The following MAML2 variants were observed in gnomAD, a reference collection of about 807,000 sequenced individuals.
The protein encoded by MAML2 is mastermind-like protein 2.
Under a neutral mutation model 96.1 loss-of-function variants are expected in MAML2, and 22 were observed. The observed-to-expected ratio is 0.23, with a 90% CI of 0.16 to 0.33. The LOEUF is 0.33. MAML2 is among the 10% of genes least tolerant of loss of function. The probability of loss-of-function intolerance (pLI) is 1.00; values close to 1 mark genes in which losing one functional copy is unlikely to be tolerated. For synonymous variants in MAML2, 561 were observed against 521.3 expected, an observed-to-expected ratio of 1.08 and a Z score of -1.04; for missense variants, 1,367 against 1,392.4, an observed-to-expected ratio of 0.98 and a Z score of 0.29.
chr11:96,297,340 C>A (rs1414253809), intron 1 of MAML2, among the ~76,000 whole-genome samples: 1 of 152,066 alleles, frequency 6.6e-6, no homozygotes, highest in Non-Finnish European at 1.5e-5. Flanking sequence ...TTTGGGAAAC[C>A]AAGGCAGGCG....
intron 1 of MAML2, among the ~76,000 whole-genome samples, chr11:96,208,023 T>G (rs1482125986): frequency 6.6e-6 from 1 of 152,142 alleles, no homozygotes; most frequent in South Asian, 2.1e-4. Context: ...AAACTCAGAG[T>G]CTCCATCATA....
chr11:95,998,528 G>A (rs187521432), intron 2 of MAML2, among the ~76,000 whole-genome samples: 113 of 152,214 alleles, frequency 7.4e-4, no homozygotes, highest in Admixed American at 1.6e-3. Context: ...TGTTTGCAAC[G>A]CTTTTACCTC....
intron 2 of MAML2, among the ~76,000 whole-genome samples, chr11:96,028,652 T>G (rs1858563391): frequency 6.6e-6 from 1 of 152,184 alleles, no homozygotes; most frequent in African/African-American, 2.4e-5. Context: ...CTTTTTTTCT[T>G]CTAGAAAATA....
At chr11:96,083,252 C>T (rs955757504) in intron 2 of MAML2, among the ~76,000 whole-genome samples, 1 of 152,198 alleles carries the variant, frequency 6.6e-6, no homozygotes, top group African/African-American at 2.4e-5. Flanking sequence ...TAAGTGATTA[C>T]CTTTTGCCAG....
intron 1 of MAML2, among the ~76,000 whole-genome samples, chr11:96,176,689 T>C (rs1253823065): frequency 6.6e-6 from 1 of 152,178 alleles, no homozygotes; most frequent in Non-Finnish European, 1.5e-5. Context: ...GGATAGGTGT[T>C]GGCAGTTATG....
intron 1 of MAML2, among the ~76,000 whole-genome samples, chr11:96,267,715 T>A (rs1862849874): frequency 6.6e-6 from 1 of 152,138 alleles, no homozygotes; most frequent in Non-Finnish European, 1.5e-5. Flanking sequence ...GCTCAATTCC[T>A]CCAGTCACTA....
intron 2 of MAML2, among the ~76,000 whole-genome samples, chr11:96,021,153 A>T (rs1858429440): frequency 6.6e-6 from 1 of 152,136 alleles, no homozygotes; most frequent in South Asian, 2.1e-4. Context: ...ATGTGCTTCC[A>T]TAGATTCCTG....
At chr11:95,999,453 A>C (rs908296382) in intron 2 of MAML2, among the ~76,000 whole-genome samples, 3 of 151,576 alleles carry the variant, frequency 2.0e-5, no homozygotes, top group African/African-American at 7.3e-5. Context: ...GTATATACAG[A>C]AATAGTAAGA....
At chr11:96,221,222 G>A (rs1793400149) in intron 1 of MAML2, among the ~76,000 whole-genome samples, 3 of 152,168 alleles carry the variant, frequency 2.0e-5, no homozygotes, top group South Asian at 4.1e-4. Flanking sequence ...TGATTATTTA[G>A]ACTTAAAGCA....
In MAML2 at chr11:96,301,420, A is replaced by G. The variant is rs76633031; in HGVS notation, c.513+39963T>C. Among the ~76,000 whole-genome samples the G allele has an allele frequency of 1.9e-3, 284 of 152,286 alleles. 1 individual carries two copies. Among genetic ancestry groups the G allele is most frequent in the Middle Eastern group, 6.8e-3 (2 of 294 alleles). Reference sequence around the variant, plus strand: ...ACCTGGCTTGCCTCATCCTAGTCCCAGCCCACCTGTCAGTAACCACCAACT... The same window carrying G: ...ACCTGGCTTGCCTCATCCTAGTCCCGGCCCACCTGTCAGTAACCACCAACT... On this transcript the variant is annotated intron_variant, in intron 1 of 4. Coordinates refer to ENST00000524717, the MANE Select transcript of MAML2 (RefSeq NM_032427.4).
intron 1 of MAML2, among the ~76,000 whole-genome samples, chr11:96,255,383 A>T (rs1352170996): frequency 6.6e-6 from 1 of 152,242 alleles, no homozygotes; most frequent in Non-Finnish European, 1.5e-5. Flanking sequence ...CCCATTTTAC[A>T]GAAGAGGAAC....
intron 1 of MAML2, among the ~76,000 whole-genome samples, chr11:96,198,414 T>G (rs1861761965): frequency 6.6e-6 from 1 of 152,246 alleles, no homozygotes; most frequent in Non-Finnish European, 1.5e-5. Flanking sequence ...ATGTCTTTTC[T>G]GAGAAAGGCA....
intron 1 of MAML2, among the ~76,000 whole-genome samples, chr11:96,255,368 T>A (rs1311002863): frequency 6.6e-6 from 1 of 152,208 alleles, no homozygotes; most frequent in Non-Finnish European, 1.5e-5. Flanking sequence ...TTTTCAGGTG[T>A]TATCCCCATT....
chr11:96,048,675 T>C (rs1858945231), intron 2 of MAML2, among the ~76,000 whole-genome samples: 1 of 152,234 alleles, frequency 6.6e-6, no homozygotes, highest in Non-Finnish European at 1.5e-5. Context: ...TTATTCTATC[T>C]GACAGAACCA....
At chr11:96,222,011 G>A (rs1862147532) in intron 1 of MAML2, among the ~76,000 whole-genome samples, 1 of 151,894 alleles carries the variant, frequency 6.6e-6, no homozygotes, top group South Asian at 2.1e-4. Context: ...TATTAATTTG[G>A]ACCTTTGTAA....
At chr11:96,158,268 T>C (rs1479527661) in intron 1 of MAML2, among the ~76,000 whole-genome samples, 1 of 152,192 alleles carries the variant, frequency 6.6e-6, no homozygotes, top group Non-Finnish European at 1.5e-5. Context: ...TTGACACGTG[T>C]TGGTTTCCCT....
intron 1 of MAML2, among the ~76,000 whole-genome samples, chr11:96,224,014 T>C (rs1024767187): frequency 6.6e-6 from 1 of 152,218 alleles, no homozygotes; most frequent in Non-Finnish European, 1.5e-5. Flanking sequence ...GAGAGATACA[T>C]TATTTTATAT....
chr11:96,228,267 T>A (rs1026193615), intron 1 of MAML2, among the ~76,000 whole-genome samples: 5 of 152,186 alleles, frequency 3.3e-5, no homozygotes, highest in African/African-American at 1.2e-4. Context: ...CTAACTTCAA[T>A]CACTCCCTCC....
chr11:96,268,623 T>C (rs568974138), intron 1 of MAML2, among the ~76,000 whole-genome samples: 1 of 152,324 alleles, frequency 6.6e-6, no homozygotes, highest in Non-Finnish European at 1.5e-5. Flanking sequence ...CATCTTGAAT[T>C]GTAGTTCCCC....
Sources: allele counts gnomAD v4.1 joint callset (sites outside exome capture counted in the v4.1 genomes callset), GRCh38; gene constraint gnomAD v4.1.1; transcripts MANE v1.5; gene names NCBI Gene and HGNC (gene_info 2026-07-23, HGNC 2026-07-21).